FCSK: variants seen among roughly 807,000 people sequenced by gnomAD.
The protein encoded by FCSK is L-fucose kinase.
In FCSK, 123 loss-of-function variants were observed where a neutral mutation model predicts 122.5. The observed-to-expected ratio is 1.00, with a 90% CI of 0.87 to 1.17. The LOEUF (loss-of-function observed/expected upper bound fraction) is 1.17, where lower values mean the gene tolerates loss of function less well. FCSK is among the 50% of genes most tolerant of loss of function. The pLI is 0.00. For missense variants in FCSK, 1,366 were observed against 1,450.4 expected (o/e 0.94, Z 0.95); for synonymous variants, 620 against 625.5 (o/e 0.99, Z 0.13).
At chr16:70,461,756 C>G (rs2048272903) in intron 1 of FCSK, among the ~76,000 whole-genome samples, 1 of 152,224 alleles carries the variant, frequency 6.6e-6, no homozygotes, top group African/African-American at 2.4e-5. Flanking sequence ...AACTCTTACC[C>G]CATCCTGCTG....
At chr16:70,478,142 T>C in intron 20 of FCSK, 130 bp from the exon 21 acceptor site, 1 of 805,618 alleles carries the variant, frequency 1.2e-6, no homozygotes, top group Non-Finnish European at 2.0e-6. Context: ...CATAGCTCAC[T>C]GTCCTGTGGA....
intron 3 of FCSK, chr16:70,464,896 G>T: frequency 1.3e-6 from 1 of 793,208 alleles, no homozygotes; most frequent in Non-Finnish European, 2.0e-6. Flanking sequence ...AACAACAACA[G>T]CAACAAACCA....
At chr16:70,459,907 T>A (rs888669133) in intron 1 of FCSK, among the ~76,000 whole-genome samples, 1 of 151,826 alleles carries the variant, frequency 6.6e-6, no homozygotes, top group Non-Finnish European at 1.5e-5. Flanking sequence ...GTTGAAGTGA[T>A]TCTCCTGTCT....
chr16:70,478,372 G>A lies in FCSK; in HGVS notation c.2742G>A (p.Thr914=), dbSNP rs1459072342. 3 of 1,614,214 alleles carry A rather than the reference G, an allele frequency of 1.9e-6. No individual in the cohort carries two copies. Among genetic ancestry groups the A allele is most frequent in the East Asian group, 2.2e-5 (1 of 44,884 alleles). ...TGAAGGTGGAGGTAGAAGAGGTCAC[G>A]GTGCCTGAGGGCTTTGTCCAGAAGC... ...LPLKVEVEEV[T]VPEGFVQKLN... Residue 914 remains threonine (T), a synonymous_variant, in exon 21 of 24, where the codon ACG becomes ACA. Coordinates refer to ENST00000288078, the MANE Select transcript of FCSK (RefSeq NM_145059.3).
chr16:70,471,008 G>T lies in FCSK; in HGVS notation c.1106G>T (p.Ser369Ile). Residue 369 changes from serine (S) to isoleucine (I), a missense_variant, in exon 12 of 24, where the codon AGC (serine) becomes ATC (isoleucine). By Grantham distance (142) the Ser-to-Ile change is moderately radical. Coordinates refer to ENST00000288078, the MANE Select transcript of FCSK (RefSeq NM_145059.3). ...QLLAAGSSVVSCLLEGPVQLG... is the reference protein window; with the variant it reads ...QLLAAGSSVVICLLEGPVQLG... ...CTGGCGGCCGGGAGCTCTGTGGTCA[G>T]CTGCCTGCTGGAGGGCCCTGTCCAG... 1 of 1,600,666 alleles carries T rather than the reference G, an allele frequency of 6.2e-7. No individual in the cohort carries two copies.
At chr16:70,468,802 C>T (rs1306417998) in intron 8 of FCSK, 47 bp from the exon 9 acceptor site, 2 of 1,610,438 alleles carry the variant, frequency 1.2e-6, no homozygotes, top group Non-Finnish European at 1.7e-6. Flanking sequence ...TGTACCAGGG[C>T]CTGGTCCAGG....
At chr16:70,462,863 T>G (rs1300133082) in intron 1 of FCSK, among the ~76,000 whole-genome samples, 1 of 152,000 alleles carries the variant, frequency 6.6e-6, no homozygotes, top group Non-Finnish European at 1.5e-5. Flanking sequence ...CAGGCTGGTC[T>G]CCAACTCCTG....
At chr16:70,457,767 T>G (rs1255559341) in intron 1 of FCSK, 2 of 151,364 alleles carry the variant, frequency 1.3e-5, no homozygotes, top group African/African-American at 2.4e-5. Flanking sequence ...GTTTTTTGTT[T>G]TTTTTTTTTT....
At chr16:70,456,295 T>G (rs1011579932) in intron 1 of FCSK, among the ~76,000 whole-genome samples, 1 of 152,250 alleles carries the variant, frequency 6.6e-6, no homozygotes, top group African/African-American at 2.4e-5. Context: ...ACTACAGTTT[T>G]CTTGTCTAGA....
Position 70,459,724 on chromosome 16 carries a change from G to A in FCSK, c.-22-3445G>A, listed in dbSNP as rs1242197991. On this transcript the variant is annotated intron_variant, in intron 1 of 23. Coordinates refer to ENST00000288078, the MANE Select transcript of FCSK (RefSeq NM_145059.3). Reference sequence around the variant, plus strand: ...TGCCCAGGCTGGTTTCTAACTCTTGGGCTCAAGCGATCCTCCTGACATGGC... The same window carrying A: ...TGCCCAGGCTGGTTTCTAACTCTTGAGCTCAAGCGATCCTCCTGACATGGC... Among the ~76,000 whole-genome samples, 4 of 146,532 alleles carry A rather than the reference G, an allele frequency of 2.7e-5. 1 individual carries two copies. The highest frequency in any genetic ancestry group is 2.7e-4 in the Admixed American group (4 of 14,670).
rs368973788 is a variant in FCSK, at chr16:70,471,317, G to A, written c.1306G>A (p.Ala436Thr). The A allele has an allele frequency of 2.4e-5, 39 of 1,598,040 alleles. No homozygotes were observed. Among genetic ancestry groups the A allele is most frequent in the Non-Finnish European group, 3.2e-5 (37 of 1,172,056 alleles). The change falls in exon 13 of 24, where the codon GCC (alanine) becomes ACC (threonine). Residue 436 changes from alanine (A) to threonine (T), a missense_variant. Transcript: ENST00000288078. ...HTRLHGSPGH[A>T]FTLVGRLDSW... ...GCGGCTACACGGCTCCCCGGGCCAC[G>A]CCTTCACCCTCGTTGGCCGTCTGGA...
At chr16:70,457,764 G>GTTT in intron 1 of FCSK, 1 of 138,118 alleles carries the variant, frequency 7.2e-6, no homozygotes. Flanking sequence ...GTGGTTTTTT[G>GTTT]TTTTTTTTTT....
chr16:70,463,391 C>T (rs1567695992), intron 2 of FCSK, 119 bp downstream of exon 2: 1 of 933,558 alleles, frequency 1.1e-6, no homozygotes. Flanking sequence ...TGCACTTCTC[C>T]CTAGCCATGT....
intron 16 of FCSK, 26 bp from the exon 17 acceptor site, chr16:70,474,502 A>G: frequency 6.5e-7 from 1 of 1,546,066 alleles, no homozygotes; most frequent in South Asian, 1.2e-5. Flanking sequence ...GCTGCATGCC[A>G]CCATCCCTCC....
Position 70,478,664 on chromosome 16 carries a change from T to G in FCSK, c.2929+14T>G. 6.2e-7 allele frequency: 1 copy of G among 1,608,308 alleles called. No individual in the cohort carries two copies. Among genetic ancestry groups the G allele is most frequent in the Non-Finnish European group, 8.5e-7 (1 of 1,176,016 alleles). On this transcript the variant is annotated intron_variant, in intron 22 of 23. Coordinates refer to ENST00000288078, the MANE Select transcript of FCSK (RefSeq NM_145059.3). The stretch of plus-strand genomic sequence containing the variant: ...GCTTCCGCCAAGGTGAGGGGCTTCC[T>G]CTGGGGGGGTCAGGGCACTGGGAGC...
intron 22 of FCSK, 186 bp downstream of exon 22, chr16:70,478,836 T>C (rs1293084225): frequency 2.8e-6 from 2 of 707,830 alleles, no homozygotes; most frequent in Non-Finnish European, 5.1e-6. Context: ...GAGGACAAAA[T>C]TTTCATCATG....
chr16:70,470,281 A>G (rs751651755), intron 10 of FCSK, 33 bp from the exon 11 acceptor site: 2 of 1,473,192 alleles, frequency 1.4e-6, no homozygotes, highest in South Asian at 2.3e-5. Flanking sequence ...CGCAGCAGGC[A>G]TGGGGTTGGG....
chr16:70,456,613 C>T (rs894888830), intron 1 of FCSK, among the ~76,000 whole-genome samples: 20 of 152,208 alleles, frequency 1.3e-4, no homozygotes, highest in African/African-American at 4.6e-4. Context: ...GATTATCATT[C>T]ATTGAGCCAC....
Position 70,475,783 on chromosome 16 carries a change from G to T in FCSK, c.2641+16G>T, listed in dbSNP as rs1159265680. On this transcript the variant is annotated intron_variant, in intron 20 of 23. Transcript: ENST00000288078. ...CTCACCACTGGTATGTGACTGCCCT[G>T]GAGTTGGAGGAGGTCACTGACACTT... 1.3e-6 allele frequency: 2 copies of T among 1,543,568 alleles called. No homozygotes were observed. The highest frequency in any genetic ancestry group is 1.7e-6 in the Non-Finnish European group (2 of 1,144,710).
Sources: allele counts gnomAD v4.1 joint callset (sites outside exome capture counted in the v4.1 genomes callset), GRCh38; gene constraint gnomAD v4.1.1; transcripts MANE v1.5; gene names NCBI Gene and HGNC (gene_info 2026-07-23, HGNC 2026-07-21).